Variants in LMX1A observed in about 807,000 individuals in gnomAD.
LMX1A encodes LIM homeobox transcription factor 1 alpha.
In LMX1A, 15 loss-of-function variants were observed where a neutral mutation model predicts 49.1. That is an observed-to-expected ratio of 0.31 (90% CI 0.20 to 0.47). LMX1A has a LOEUF of 0.47. Among genes scored for constraint, LMX1A ranks in the 20% least tolerant of loss-of-function variants. The pLI is 1.00. For synonymous variants in LMX1A, 167 were observed against 185.7 expected (o/e 0.90, Z 0.82); for missense variants, 372 against 475.8 (o/e 0.78, Z 2.03).
At chr1:165,246,454 A>C (rs1213439091) in intron 4 of LMX1A, among the ~76,000 whole-genome samples, 1 of 152,026 alleles carries the variant, frequency 6.6e-6, no homozygotes, top group Non-Finnish European at 1.5e-5. Context: ...TTCTAGAACT[A>C]CCCTCCCCTC....
intron 3 of LMX1A, among the ~76,000 whole-genome samples, chr1:165,275,968 A>G (rs999225742): frequency 6.6e-6 from 1 of 151,676 alleles, no homozygotes; most frequent in African/African-American, 2.4e-5. Flanking sequence ...GATGGCCACA[A>G]CTGTGTTTGG....
At chr1:165,325,336 AT>A (rs1454793687) in intron 3 of LMX1A, among the ~76,000 whole-genome samples, 2 of 152,028 alleles carry the variant, frequency 1.3e-5, no homozygotes, top group South Asian at 4.1e-4. Flanking sequence ...TATTGTTTTT[AT>A]TTTTTTCCTT....
chr1:165,250,843 C>T (rs1290534511), intron 3 of LMX1A, among the ~76,000 whole-genome samples: 6 of 151,896 alleles, frequency 4.0e-5, no homozygotes, highest in Admixed American at 3.9e-4. Context: ...AAACAAAAGA[C>T]AGTAAGGAAG....
chr1:165,346,466 T>C (rs1656246969), intron 3 of LMX1A, among the ~76,000 whole-genome samples: 1 of 152,258 alleles, frequency 6.6e-6, no homozygotes. Context: ...TTTCATTAAA[T>C]TCTAGCTAAT....
chr1:165,348,431 A>AAG, intron 3 of LMX1A, among the ~76,000 whole-genome samples: 1 of 152,274 alleles, frequency 6.6e-6, no homozygotes, highest in East Asian at 1.9e-4. Context: ...AAGAGAGAAA[A>AAG]AGAGAGAGAG....
chr1:165,280,027 G>A (rs1449250839), intron 3 of LMX1A, among the ~76,000 whole-genome samples: 5 of 152,202 alleles, frequency 3.3e-5, no homozygotes, highest in Non-Finnish European at 5.9e-5. Context: ...ACACCAGGCC[G>A]TGGCTCCAGA....
rs562120922 is a variant in LMX1A, at chr1:165,262,527, A to G, written c.264-12887T>C. Among the ~76,000 whole-genome samples, 20 of 152,352 alleles carry G rather than the reference A, an allele frequency of 1.3e-4. 1 individual carries two copies. Among genetic ancestry groups the G allele is most frequent in the African/African-American group, 4.8e-4 (20 of 41,584 alleles). ...TTAAAATTAGTCAAGACAGAATTATATGATGCCAAATGCAATCCTGCTCAA... is the reference window on the plus strand; with the variant it reads ...TTAAAATTAGTCAAGACAGAATTATGTGATGCCAAATGCAATCCTGCTCAA... On this transcript the variant is annotated intron_variant, in intron 3 of 8. Coordinates refer to ENST00000342310, the MANE Select transcript of LMX1A (RefSeq NM_177398.4).
chr1:165,242,981 C>T (rs541791967), intron 4 of LMX1A, among the ~76,000 whole-genome samples: 95 of 148,786 alleles, frequency 6.4e-4, no homozygotes, highest in Admixed American at 1.3e-3. Context: ...AATTGCAGCA[C>T]GATGTACTGG....
chr1:165,259,951 C>G (rs1441908423), intron 3 of LMX1A, among the ~76,000 whole-genome samples: 1 of 152,130 alleles, frequency 6.6e-6, no homozygotes, highest in Non-Finnish European at 1.5e-5. Context: ...ATCTATGAGT[C>G]AAGCCCTAGA....
At chr1:165,212,283 G>A (rs773681913) in intron 5 of LMX1A, among the ~76,000 whole-genome samples, 5 of 152,202 alleles carry the variant, frequency 3.3e-5, no homozygotes, top group Non-Finnish European at 5.9e-5. Flanking sequence ...GATGTGATGT[G>A]TCTGATATCC....
chr1:165,274,333 T>C (rs1653900155), intron 3 of LMX1A, among the ~76,000 whole-genome samples: 1 of 152,220 alleles, frequency 6.6e-6, no homozygotes, highest in Non-Finnish European at 1.5e-5. Flanking sequence ...TATTGGTTTA[T>C]ATTTGCCACC....
chr1:165,221,944 C>CACAA (rs148884855), intron 4 of LMX1A, among the ~76,000 whole-genome samples: 1 of 149,380 alleles, frequency 6.7e-6, no homozygotes, highest in Admixed American at 6.7e-5. Flanking sequence ...CACACACACA[C>CACAA]GCACACGCAC....
intron 6 of LMX1A, among the ~76,000 whole-genome samples, chr1:165,210,064 G>T (rs894836168): frequency 6.6e-6 from 1 of 152,236 alleles, no homozygotes; most frequent in East Asian, 1.9e-4. Context: ...GATTGTTGTA[G>T]TGTAAGAGCA....
intron 4 of LMX1A, among the ~76,000 whole-genome samples, chr1:165,225,263 CG>C (rs1651992839): frequency 6.6e-6 from 1 of 152,156 alleles, no homozygotes; most frequent in Non-Finnish European, 1.5e-5. Flanking sequence ...AGCCATGCTT[CG>C]TCATTGGTGA....
chr1:165,299,043 A>C (rs1418856465), intron 3 of LMX1A, among the ~76,000 whole-genome samples: 1 of 152,256 alleles, frequency 6.6e-6, no homozygotes, highest in Non-Finnish European at 1.5e-5. Flanking sequence ...AATGAAACTC[A>C]GAGAGGCTAA....
rs1656619781 is a variant in LMX1A, at chr1:165,356,385, A to G, written c.-53T>C. 1 of 151,940 alleles carries G rather than the reference A, an allele frequency of 6.6e-6. No individual in the cohort carries two copies. The highest frequency in any genetic ancestry group is 6.6e-5 in the Admixed American group (1 of 15,260). 9.4% of individuals were successfully genotyped at this position (151,940 alleles called of 1,614,324 possible). ...AGGCGAGCTCTCTCCCAGTGACTGGAGCAGAGAGAAGTTGCGGAGCGCTGC... is the reference window on the plus strand; with the variant it reads ...AGGCGAGCTCTCTCCCAGTGACTGGGGCAGAGAGAAGTTGCGGAGCGCTGC... On this transcript the variant is annotated 5_prime_UTR_variant, in exon 1 of 9. Coordinates refer to ENST00000342310, the MANE Select transcript of LMX1A (RefSeq NM_177398.4).
chr1:165,324,128 G>T lies in LMX1A; in HGVS notation c.263+28948C>A, dbSNP rs1245674881. On this transcript the variant is annotated intron_variant, in intron 3 of 8. Coordinates refer to ENST00000342310, the MANE Select transcript of LMX1A (RefSeq NM_177398.4). The stretch of plus-strand genomic sequence containing the variant: ...ACATCGCAGGCATTCAGTCGATTCT[G>T]TGGAATGGATGTTGAATAAGTGAGA... Among the ~76,000 whole-genome samples the T allele has an allele frequency of 2.0e-5, 3 of 152,244 alleles. No homozygotes were observed. In the East Asian group the frequency reaches 5.8e-4, roughly 29 times the overall value.
intron 3 of LMX1A, among the ~76,000 whole-genome samples, chr1:165,286,314 C>T (rs1654303546): frequency 6.6e-6 from 1 of 152,138 alleles, no homozygotes; most frequent in African/African-American, 2.4e-5. Flanking sequence ...TGGATCTGTG[C>T]AGGAAGTGCC....
intron 4 of LMX1A, among the ~76,000 whole-genome samples, chr1:165,219,667 T>A (rs935822852): frequency 2.6e-5 from 4 of 152,240 alleles, no homozygotes; most frequent in African/African-American, 9.6e-5. Context: ...GTTTTGAAAC[T>A]GTCTGACACA....
Sources: allele counts gnomAD v4.1 joint callset (sites outside exome capture counted in the v4.1 genomes callset), GRCh38; gene constraint gnomAD v4.1.1; transcripts MANE v1.5; gene names NCBI Gene and HGNC (gene_info 2026-07-23, HGNC 2026-07-21).